Variants in CYFIP2 observed in about 807,000 individuals in gnomAD.
CYFIP2 encodes the protein cytoplasmic FMR1-interacting protein 2.
CYFIP2 carries 29 observed loss-of-function variants against 158.7 expected under a neutral mutation model. The ratio of observed to expected loss-of-function variants is 0.18; its 90% CI spans 0.14 to 0.25. The LOEUF (loss-of-function observed/expected upper bound fraction) is 0.25, where lower values mean the gene tolerates loss of function less well. Ranked by LOEUF, CYFIP2 falls within the 10% of genes least tolerant of loss-of-function variation. The probability of loss-of-function intolerance (pLI) is 1.00; values close to 1 mark genes in which losing one functional copy is unlikely to be tolerated. For synonymous variants in CYFIP2, 585 were observed against 617.6 expected, an observed-to-expected ratio of 0.95 and a Z score of 0.78; for missense variants, 852 against 1,639.5, an observed-to-expected ratio of 0.52 and a Z score of 8.29.
chr5:157,294,960 G>T (rs1304837955), intron 4 of CYFIP2, 100 bp downstream of exon 4: 2 of 939,688 alleles, frequency 2.1e-6, no homozygotes, highest in Non-Finnish European at 1.6e-6. Flanking sequence ...TTTCCACGTG[G>T]TAGGGAGTAA....
Position 157,311,067 on chromosome 5 carries a change from G to T in CYFIP2, c.993-597G>T, listed in dbSNP as rs917109091. Reference sequence around the variant, plus strand: ...AAGGCGGAGGGAAGGAGGAAAGAGGGTGGAAAGAGAAGGAGAGAAGGGGGC... The same window carrying T: ...AAGGCGGAGGGAAGGAGGAAAGAGGTTGGAAAGAGAAGGAGAGAAGGGGGC... On this transcript the variant is annotated intron_variant, in intron 10 of 30. Transcript: ENST00000620254. This position sits in a 1 kb window ranked among gnomAD's most constrained non-coding sequence, Gnocchi z 4.7. The T allele has an allele frequency of 2.2e-6, 1 of 454,170 alleles. No homozygotes were observed. The highest frequency in any genetic ancestry group is 2.0e-5 in the African/African-American group (1 of 49,456). The allele number at this position is 454,170 out of a possible 1,614,324, so 28.1% of individuals were successfully genotyped here. A position where few individuals can be genotyped will look rare whatever the true frequency, so the allele number is the denominator to read the frequency against.
intron 23 of CYFIP2, among the ~76,000 whole-genome samples, chr5:157,344,665 G>C (rs1399050477): frequency 1.3e-5 from 2 of 152,184 alleles, no homozygotes; most frequent in Non-Finnish European, 2.9e-5. Context: ...GACAGTCATA[G>C]TCAGCCTACG....
chr5:157,359,153 G>T lies in CYFIP2; in HGVS notation c.2817+5G>T. On this transcript the variant is annotated splice_donor_5th_base_variant and intron_variant, in intron 24 of 30. Transcript: ENST00000620254. ...CTAAAGATTGTGAAGAGCTTGGTAA[G>T]GAAAGGCCTCAGTGTGGCTTGAGAT... is the stretch of plus-strand genomic sequence containing the variant. 6.2e-7 allele frequency: 1 copy of T among 1,613,958 alleles called. No homozygotes were observed.
intron 1 of CYFIP2, among the ~76,000 whole-genome samples, chr5:157,278,514 GC>G (rs1312048665): frequency 6.6e-6 from 1 of 152,188 alleles, no homozygotes; most frequent in African/African-American, 2.4e-5. Context: ...TCTGCCACTA[GC>G]TGACCATGTG....
In CYFIP2 at chr5:157,304,351, A is replaced by G. The variant is rs565967553; in HGVS notation, c.780A>G (p.Lys260=). The G allele has an allele frequency of 1.9e-6, 3 of 1,613,610 alleles. No homozygotes were observed. Among genetic ancestry groups the G allele is most frequent in the African/African-American group, 1.3e-5 (1 of 75,004 alleles). The change falls in exon 8 of 31, where the codon AAA becomes AAG. Residue 260 remains lysine, a synonymous_variant. Transcript: ENST00000620254. ...AGATGTACCTGACTCCCAGTGAGAA[A>G]CATATGCTCCTCAAGGTAAAACTCC... ...ENKMYLTPSE[K]HMLLKVMGFG...
intron 28 of CYFIP2, among the ~76,000 whole-genome samples, chr5:157,386,198 A>G (rs1414480784): frequency 6.6e-6 from 1 of 152,132 alleles, no homozygotes; most frequent in African/African-American, 2.4e-5. Flanking sequence ...AAGTTGATGA[A>G]GACTATTTCT....
Position 157,304,333 on chromosome 5 carries a change from C to T in CYFIP2, c.762C>T (p.Tyr254=), listed in dbSNP as rs755207469. The change falls in exon 8 of 31, where the codon TAC becomes TAT. Residue 254 remains tyrosine, a synonymous_variant. Transcript: ENST00000620254. ...TGGATTACTACGAGAACAAGATGTA[C>T]CTGACTCCCAGTGAGAAACATATGC... is the stretch of plus-strand genomic sequence containing the variant. ...ICVDYYENKM[Y]LTPSEKHMLL... The T allele has an allele frequency of 5.6e-6, 9 of 1,613,952 alleles. No individual in the cohort carries two copies. In the Admixed American group the frequency reaches 8.3e-5, roughly 15 times the overall value.
intron 28 of CYFIP2, among the ~76,000 whole-genome samples, chr5:157,388,707 C>T (rs1426505061): frequency 6.6e-6 from 1 of 152,220 alleles, no homozygotes; most frequent in Non-Finnish European, 1.5e-5. Context: ...CTTTAACACT[C>T]ACTGGCTGCC....
intron 20 of CYFIP2, among the ~76,000 whole-genome samples, chr5:157,332,612 G>T (rs1761551796): frequency 6.6e-6 from 1 of 152,168 alleles, no homozygotes. Context: ...TCTTATCGGT[G>T]CATGCACGTA....
chr5:157,271,278 A>C (rs1756068545), intron 1 of CYFIP2: 1 of 152,222 alleles, frequency 6.6e-6, no homozygotes, highest in Non-Finnish European at 1.5e-5. Flanking sequence ...TCCTTAACAC[A>C]TGTCTTTAAG....
intron 28 of CYFIP2, among the ~76,000 whole-genome samples, chr5:157,386,887 T>A: frequency 6.8e-6 from 1 of 147,312 alleles, no homozygotes; most frequent in South Asian, 2.1e-4. Flanking sequence ...GCCACTGCAC[T>A]CTGGCCTGGA....
intron 23 of CYFIP2, among the ~76,000 whole-genome samples, chr5:157,347,817 G>A (rs890636109): frequency 6.6e-6 from 1 of 152,242 alleles, no homozygotes; most frequent in Non-Finnish European, 1.5e-5. Context: ...AGTCCTGGGA[G>A]AAGACATGGC....
At chr5:157,382,891 GTCAT>G (rs1388890155) in intron 27 of CYFIP2, among the ~76,000 whole-genome samples, 1 of 152,128 alleles carries the variant, frequency 6.6e-6, no homozygotes, top group African/African-American at 2.4e-5. Context: ...CTTTGATTCT[GTCAT>G]TCATTCAAAT....
intron 26 of CYFIP2, among the ~76,000 whole-genome samples, chr5:157,382,085 C>T (rs994281869): frequency 6.6e-6 from 1 of 152,186 alleles, no homozygotes; most frequent in Admixed American, 6.5e-5. Flanking sequence ...CCTGGGTTCT[C>T]GTCCCTCTTT....
In CYFIP2 at chr5:157,324,086, C is replaced by G. The variant is rs1454427361; in HGVS notation, c.1825+12C>G. ...GCTCAACATCAGTGGTGAGCTGCAT[C>G]CCATCCCTGCTAAGGCATGGGAGGA... is the stretch of plus-strand genomic sequence containing the variant. On this transcript the variant is annotated intron_variant, in intron 16 of 30. Transcript: ENST00000620254. 6.2e-7 allele frequency: 1 copy of G among 1,604,794 alleles called. No individual in the cohort carries two copies. Among genetic ancestry groups the G allele is most frequent in the Non-Finnish European group, 8.5e-7 (1 of 1,174,522 alleles).
At position 157,336,221 on chromosome 5, in the gene CYFIP2, G is replaced by C. The variant is rs367953555; in HGVS notation, c.2385+2775G>C. Among the ~76,000 whole-genome samples, 29 of 152,328 alleles carry C rather than the reference G, an allele frequency of 1.9e-4. No individual in the cohort carries two copies. In the East Asian group the frequency reaches 5.2e-3, roughly 27 times the overall value. On this transcript the variant is annotated intron_variant, in intron 21 of 30. Transcript: ENST00000620254. ...ATTCTGAGTTGGGAGAGGTTGCAAA[G>C]ATTTGGGGAGTTAGTCACCCTCATT...
intron 4 of CYFIP2, among the ~76,000 whole-genome samples, chr5:157,296,045 G>A (rs1218929142): frequency 6.6e-6 from 1 of 152,234 alleles, no homozygotes; most frequent in African/African-American, 2.4e-5. Flanking sequence ...ACAGGGGAAA[G>A]ACTGAAGGAG....
chr5:157,320,968 A>G (rs940156281), intron 15 of CYFIP2, among the ~76,000 whole-genome samples, 166 bp downstream of exon 15: 2 of 152,148 alleles, frequency 1.3e-5, no homozygotes, highest in African/African-American at 2.4e-5. Flanking sequence ...TTGATATAGG[A>G]AGGAGGACCA....
rs1359379487 is a variant in CYFIP2 at position 157,300,774 on chromosome 5, G to A, written c.447G>A (p.Arg149=). 1 of 1,613,502 alleles carries A rather than the reference G, an allele frequency of 6.2e-7. No individual in the cohort carries two copies. The highest frequency in any genetic ancestry group is 8.5e-7 in the Non-Finnish European group (1 of 1,179,578). Residue 149 remains arginine (R), a synonymous_variant, in exon 6 of 31, where the codon AGG becomes AGA. Coordinates refer to ENST00000620254, the MANE Select transcript of CYFIP2 (RefSeq NM_001037333.3). ...EVKRLCHAER[R]KDFVSEAYLL... ...AGCGGCTGTGCCATGCCGAGCGCAG[G>A]AAGGACTTTGTCTCTGAGGCCTACC...
Sources: allele counts gnomAD v4.1 joint callset (sites outside exome capture counted in the v4.1 genomes callset), GRCh38; gene constraint gnomAD v4.1.1; non-coding constraint Gnocchi (gnomAD v3.1); transcripts MANE v1.5; gene names NCBI Gene and HGNC (gene_info 2026-07-23, HGNC 2026-07-21).